Variants in CLUL1 observed in about 807,000 individuals in gnomAD.
CLUL1 encodes the protein clusterin-like protein 1.
Under a neutral mutation model 49.4 loss-of-function variants are expected in CLUL1, and 43 were observed. The observed-to-expected ratio is 0.87, with a 90% CI of 0.68 to 1.12. The LOEUF (loss-of-function observed/expected upper bound fraction) is 1.12, where lower values mean the gene tolerates loss of function less well. Ranked by LOEUF, CLUL1 falls within the 50% of genes most tolerant of loss-of-function variation. The pLI, the probability that CLUL1 is intolerant of heterozygous loss-of-function variation, is 0.00. For missense variants in CLUL1, 486 were observed against 544.4 expected, an observed-to-expected ratio of 0.89 and a Z score of 1.07; for synonymous variants, 192 against 184.9, an observed-to-expected ratio of 1.04 and a Z score of -0.31.
chr18:644,585 A>G (rs561046872), intron 8 of CLUL1, among the ~76,000 whole-genome samples: 4 of 152,308 alleles, frequency 2.6e-5, no homozygotes, highest in Admixed American at 2.6e-4. Context: ...TTCTTTGTAG[A>G]TTGAGACAGT....
intron 8 of CLUL1, among the ~76,000 whole-genome samples, chr18:643,174 G>A (rs1294206512): frequency 6.6e-6 from 1 of 152,090 alleles, no homozygotes; most frequent in African/African-American, 2.4e-5. Context: ...AGCATGCATT[G>A]CATTTCATAA....
At chr18:627,906 C>T (rs1470815085) in intron 6 of CLUL1, among the ~76,000 whole-genome samples, 1 of 152,196 alleles carries the variant, frequency 6.6e-6, no homozygotes, top group African/African-American at 2.4e-5. Flanking sequence ...TCACTGCAAC[C>T]TCTGCCTCCC....
intron 9 of CLUL1, among the ~76,000 whole-genome samples, chr18:649,073 T>A (rs1415091803): frequency 6.6e-6 from 1 of 151,808 alleles, no homozygotes; most frequent in African/African-American, 2.4e-5. Flanking sequence ...GTTTACTGAC[T>A]GAATTTCTTT....
chr18:622,554 G>A (rs1351446839), intron 4 of CLUL1, among the ~76,000 whole-genome samples: 2 of 152,168 alleles, frequency 1.3e-5, no homozygotes, highest in South Asian at 2.1e-4. Context: ...AGCAGGAAAC[G>A]GAAGGCGTCG....
intron 9 of CLUL1, among the ~76,000 whole-genome samples, chr18:647,309 G>A (rs1295601963): frequency 6.7e-6 from 1 of 150,338 alleles, no homozygotes; most frequent in African/African-American, 2.4e-5. Context: ...CTCCCACTGT[G>A]GGGCCTTTGA....
chr18:643,388 T>G (rs1480536730), intron 8 of CLUL1, among the ~76,000 whole-genome samples: 1 of 152,240 alleles, frequency 6.6e-6, no homozygotes, highest in Non-Finnish European at 1.5e-5. Flanking sequence ...TAGATTACAC[T>G]TGAGGAAGGT....
chr18:633,449 A>C lies in CLUL1; in HGVS notation c.994+14A>C. 1 of 1,607,710 alleles carries C rather than the reference A, an allele frequency of 6.2e-7. No individual in the cohort carries two copies. The highest frequency in any genetic ancestry group is 8.5e-7 in the Non-Finnish European group (1 of 1,175,736). On this transcript the variant is annotated intron_variant, in intron 7 of 9. Transcript: ENST00000692774. ...ACCTATCTGAAGGTAAATAATTGCT[A>C]TTTTGTTTTTTATTCTACTTTAAGT...
chr18:608,146 C>A (rs1193035196), intron 2 of CLUL1, among the ~76,000 whole-genome samples: 1 of 152,132 alleles, frequency 6.6e-6, no homozygotes. Flanking sequence ...GCTCTCACTT[C>A]CCTGTCTTGC....
intron 5 of CLUL1, 149 bp downstream of exon 5, chr18:625,181 T>G: frequency 1.3e-6 from 1 of 745,920 alleles, no homozygotes; most frequent in Non-Finnish European, 2.1e-6. Flanking sequence ...AATGTTTACA[T>G]ACCATCACCT....
At chr18:640,396 C>G (rs570624096) in intron 7 of CLUL1, among the ~76,000 whole-genome samples, 1 of 150,266 alleles carries the variant, frequency 6.7e-6, no homozygotes, top group Non-Finnish European at 1.5e-5. Context: ...GGTAACAGAG[C>G]GAGAACCTGT....
chr18:639,279 A>G (rs890032478), intron 7 of CLUL1, among the ~76,000 whole-genome samples: 12 of 151,360 alleles, frequency 7.9e-5, no homozygotes, highest in Non-Finnish European at 1.6e-4. Context: ...ACAAAAAAAA[A>G]TATTAGCTGG....
intron 6 of CLUL1, among the ~76,000 whole-genome samples, chr18:631,645 A>G (rs2073997280): frequency 1.3e-5 from 2 of 152,154 alleles, no homozygotes. Flanking sequence ...TCTAGATGCT[A>G]GAGATAAAAT....
At chr18:626,864 T>TAAATA (rs555005092) in intron 5 of CLUL1, among the ~76,000 whole-genome samples, 2 of 70,898 alleles carry the variant, frequency 2.8e-5, no homozygotes, top group Admixed American at 2.3e-4. Flanking sequence ...CCATCTCAAA[T>TAAATA]AAGAAAGAAA....
At chr18:638,568 A>G (rs1407842934) in intron 7 of CLUL1, among the ~76,000 whole-genome samples, 4 of 152,180 alleles carry the variant, frequency 2.6e-5, no homozygotes, top group African/African-American at 9.7e-5. Flanking sequence ...ATAAAGAATG[A>G]TGTAATAGGC....
chr18:627,974 C>T (rs1371443772), intron 6 of CLUL1, among the ~76,000 whole-genome samples: 1 of 152,168 alleles, frequency 6.6e-6, no homozygotes, highest in African/African-American at 2.4e-5. Flanking sequence ...CAGTTGTGCA[C>T]CACCACGCCC....
At chr18:626,604 A>C (rs2073706599) in intron 5 of CLUL1, among the ~76,000 whole-genome samples, 1 of 151,652 alleles carries the variant, frequency 6.6e-6, no homozygotes, top group Non-Finnish European at 1.5e-5. Context: ...CACCCCTGTT[A>C]TCCTAGCACT....
chr18:615,916 C>T (rs1443790464), intron 2 of CLUL1, among the ~76,000 whole-genome samples: 4 of 152,098 alleles, frequency 2.6e-5, no homozygotes, highest in Non-Finnish European at 5.9e-5. Flanking sequence ...TGCTCAGAGA[C>T]CAGGACCAAC....
intron 9 of CLUL1, among the ~76,000 whole-genome samples, chr18:646,277 A>G (rs982303681): frequency 6.6e-6 from 1 of 152,098 alleles, no homozygotes; most frequent in East Asian, 1.9e-4. Flanking sequence ...TCAATGTGTA[A>G]TTAAGCCAGA....
At chr18:648,845 ATG>A (rs1305937781) in intron 9 of CLUL1, among the ~76,000 whole-genome samples, 1 of 151,900 alleles carries the variant, frequency 6.6e-6, no homozygotes, top group African/African-American at 2.4e-5. Context: ...TTTAGTAGAG[ATG>A]TGTTTTTACC....
Sources: allele counts gnomAD v4.1 joint callset (sites outside exome capture counted in the v4.1 genomes callset), GRCh38; gene constraint gnomAD v4.1.1; transcripts MANE v1.5; gene names NCBI Gene and HGNC (gene_info 2026-07-23, HGNC 2026-07-21).